The following SLC2A13 variants were observed in gnomAD, a reference collection of about 807,000 sequenced individuals.
SLC2A13 encodes proton myo-inositol cotransporter.
In SLC2A13, 32 loss-of-function variants were observed where a neutral mutation model predicts 64.4. That is an observed-to-expected ratio of 0.50 (90% CI 0.37 to 0.67). SLC2A13 has a LOEUF of 0.67. Among genes scored for constraint, SLC2A13 ranks in the 30% least tolerant of loss-of-function variants. The pLI, the probability that SLC2A13 is intolerant of heterozygous loss-of-function variation, is 0.00. For missense variants in SLC2A13, 743 were observed against 829.2 expected (o/e 0.90, Z 1.28); for synonymous variants, 338 against 327.1 (o/e 1.03, Z -0.36).
At chr12:39,995,183 T>C (rs1040544969) in intron 3 of SLC2A13, among the ~76,000 whole-genome samples, 2 of 152,234 alleles carry the variant, frequency 1.3e-5, no homozygotes, top group Non-Finnish European at 2.9e-5. Context: ...TATATATTTA[T>C]GGGTACGTGT....
chr12:39,869,000 ATAG>A (rs1385775412), intron 5 of SLC2A13, among the ~76,000 whole-genome samples: 1 of 152,210 alleles, frequency 6.6e-6, no homozygotes, highest in African/African-American at 2.4e-5. Context: ...AAAATAAATC[ATAG>A]TAAGAACACA....
intron 4 of SLC2A13, among the ~76,000 whole-genome samples, chr12:39,909,592 G>A (rs1417923175): frequency 6.6e-6 from 1 of 152,110 alleles, no homozygotes; most frequent in African/African-American, 2.4e-5. Context: ...ATAAATGCAA[G>A]TCTTTATGTA....
At position 39,764,740 on chromosome 12, in the gene SLC2A13, G is replaced by A; in HGVS notation, c.1564C>T (p.Pro522Ser). The A allele has an allele frequency of 1.2e-6, 2 of 1,612,222 alleles. No homozygotes were observed. Among genetic ancestry groups the A allele is most frequent in the Non-Finnish European group, 1.7e-6 (2 of 1,179,166 alleles). The change falls in exon 8 of 10, where the codon CCT becomes TCT. Residue 522 changes from proline (P) to serine (S), a missense_variant. Coordinates refer to ENST00000280871, the MANE Select transcript of SLC2A13 (RefSeq NM_052885.4). Reference protein sequence around the residue: ...GLILYLVFFAPGMGPMPWTVN... With the variant: ...GLILYLVFFASGMGPMPWTVN... ...GTATAACAAAGTCTTTGTTTACCAGGTGCAAAGAAGACAAGATATAAAATA... is the reference window on the plus strand; with the variant it reads ...GTATAACAAAGTCTTTGTTTACCAGATGCAAAGAAGACAAGATATAAAATA...
chr12:39,874,442 C>T lies in SLC2A13; in HGVS notation c.1035-2481G>A, dbSNP rs183999690. ...CAGCCTGGCCAACATGGTGAAACCC[C>T]ATCTCTATTAAAAATACAAAAAATT... On this transcript the variant is annotated intron_variant, in intron 4 of 9. Transcript: ENST00000280871. 2.3e-3 allele frequency among the ~76,000 whole-genome samples: 346 copies of T among 151,960 alleles called. 1 individual carries two copies. Among genetic ancestry groups the T allele is most frequent in the African/African-American group, 7.8e-3 (325 of 41,442 alleles).
At chr12:39,927,621 GCTA>G (rs1194023847) in intron 4 of SLC2A13, among the ~76,000 whole-genome samples, 1 of 151,936 alleles carries the variant, frequency 6.6e-6, no homozygotes, top group African/African-American at 2.4e-5. Context: ...TATTTTATTT[GCTA>G]CTGTTACTGT....
intron 2 of SLC2A13, among the ~76,000 whole-genome samples, chr12:40,042,328 A>T (rs1278557244): frequency 6.6e-6 from 1 of 152,136 alleles, no homozygotes; most frequent in Non-Finnish European, 1.5e-5. Context: ...ACCTATCCCT[A>T]TTAATACAAA....
At chr12:39,821,130 A>G (rs1942495584) in intron 7 of SLC2A13, among the ~76,000 whole-genome samples, 1 of 152,128 alleles carries the variant, frequency 6.6e-6, no homozygotes, top group African/African-American at 2.4e-5. Context: ...TAACTCAAAA[A>G]AAATTTTTCG....
intron 4 of SLC2A13, among the ~76,000 whole-genome samples, chr12:39,886,756 C>G (rs1056886156): frequency 6.6e-6 from 1 of 151,896 alleles, no homozygotes; most frequent in African/African-American, 2.4e-5. Context: ...AATAGAGAAA[C>G]AAAAAGAATA....
At chr12:39,969,677 T>G (rs1202864451) in intron 3 of SLC2A13, among the ~76,000 whole-genome samples, 2 of 152,154 alleles carry the variant, frequency 1.3e-5, no homozygotes, top group East Asian at 3.8e-4. Flanking sequence ...TTTGTTGGAG[T>G]TCATTGTAGA....
intron 5 of SLC2A13, among the ~76,000 whole-genome samples, chr12:39,870,173 T>C (rs796141099): frequency 6.6e-6 from 1 of 152,272 alleles, no homozygotes; most frequent in African/African-American, 2.4e-5. Flanking sequence ...AAATCCCAAA[T>C]TGAAGAAGCA....
At chr12:39,862,042 C>T (rs951686361) in intron 6 of SLC2A13, among the ~76,000 whole-genome samples, 3 of 152,144 alleles carry the variant, frequency 2.0e-5, no homozygotes, top group Non-Finnish European at 4.4e-5. Flanking sequence ...ACCACTGCCC[C>T]CTAACAGGCG....
Position 39,786,059 on chromosome 12 carries a change from C to A in SLC2A13, c.1446-21201G>T, listed in dbSNP as rs185045044. Among the ~76,000 whole-genome samples, 279 of 152,178 alleles carry A rather than the reference C, an allele frequency of 1.8e-3. 2 individuals carry two copies. Among genetic ancestry groups the A allele is most frequent in the Non-Finnish European group, 1.6e-3 (109 of 67,990 alleles). On this transcript the variant is annotated intron_variant, in intron 7 of 9. Transcript: ENST00000280871. ...AATGCTGAAATGAGTTAAGAATTTG[C>A]AGGACTGTTGGGAAGGCATGATTAG...
intron 2 of SLC2A13, among the ~76,000 whole-genome samples, chr12:40,036,467 T>C (rs1592027523): frequency 1.3e-5 from 2 of 152,310 alleles, no homozygotes; most frequent in Middle Eastern, 6.8e-3. Flanking sequence ...TCGTACCCCT[T>C]TTCCAGTCAA....
chr12:39,816,417 C>G (rs1193755690), intron 7 of SLC2A13, among the ~76,000 whole-genome samples: 5 of 122,512 alleles, frequency 4.1e-5, no homozygotes, highest in Admixed American at 2.0e-4. Flanking sequence ...ACATCACACC[C>G]CGGGGCCTGT....
At chr12:39,968,760 GTATATATATATATATATATATATA>G (rs56838055) in intron 3 of SLC2A13, among the ~76,000 whole-genome samples, 5 of 59,846 alleles carry the variant, frequency 8.4e-5, no homozygotes, top group Admixed American at 2.0e-4. Flanking sequence ...TTTTTTTTTG[GTATATATATATATATATATATATA>G]TATATATATA....
At chr12:39,805,021 G>GAA (rs1941924059) in intron 7 of SLC2A13, among the ~76,000 whole-genome samples, 1 of 152,076 alleles carries the variant, frequency 6.6e-6, no homozygotes, top group Non-Finnish European at 1.5e-5. Flanking sequence ...GAAGCCTGCT[G>GAA]GAGAGAGAAG....
chr12:40,082,062 G>C (rs1013592016), intron 1 of SLC2A13, among the ~76,000 whole-genome samples: 3 of 152,144 alleles, frequency 2.0e-5, no homozygotes, highest in African/African-American at 7.2e-5. Flanking sequence ...TGCTGAAGGG[G>C]CTGAGGTGTT....
intron 6 of SLC2A13, among the ~76,000 whole-genome samples, chr12:39,832,356 C>T (rs1048473840): frequency 5.3e-5 from 8 of 152,136 alleles, no homozygotes; most frequent in African/African-American, 1.7e-4. Context: ...GAAAGGTCAA[C>T]TCACTCATTT....
chr12:39,855,848 A>G (rs1223253241), intron 6 of SLC2A13, among the ~76,000 whole-genome samples: 2 of 152,154 alleles, frequency 1.3e-5, no homozygotes, highest in East Asian at 3.9e-4. Flanking sequence ...CATGTGACCT[A>G]TATTTTTTGG....
Sources: gnomAD v4.1 joint callset for allele counts (sites outside exome capture counted in the v4.1 genomes callset) on GRCh38, gnomAD v4.1.1 for gene constraint, MANE v1.5 for transcripts, NCBI Gene and HGNC (gene_info 2026-07-23, HGNC 2026-07-21) for gene names.